The following ARMH3 variants were observed in gnomAD, a reference collection of about 807,000 sequenced individuals.
ARMH3 encodes the protein armadillo-like helical domain-containing protein 3.
In ARMH3, 60 loss-of-function variants were observed where a neutral mutation model predicts 99.1. The observed-to-expected ratio is 0.61, with a 90% confidence interval of 0.49 to 0.75. The LOEUF is 0.75. ARMH3 is among the 30% of genes least tolerant of loss of function. The probability of loss-of-function intolerance (pLI) is 0.00; values close to 1 mark genes in which losing one functional copy is unlikely to be tolerated. For missense variants in ARMH3, 679 were observed against 843.1 expected (o/e 0.81, Z 2.41); for synonymous variants, 285 against 292.8 (o/e 0.97, Z 0.27).
intron 1 of ARMH3, among the ~76,000 whole-genome samples, chr10:102,047,486 CT>C (rs796094967): frequency 0.033 from 4,644 of 141,140 alleles, 88 homozygotes; most frequent in Non-Finnish European, 0.052. Flanking sequence ...TTGAACCAAA[CT>C]TTTTTTTTTT....
chr10:101,985,922 A>G (rs920184457), intron 19 of ARMH3, among the ~76,000 whole-genome samples: 2 of 152,018 alleles, frequency 1.3e-5, no homozygotes, highest in African/African-American at 4.8e-5. Context: ...GGAAGCTGAG[A>G]CATGAGAATC....
intron 22 of ARMH3, among the ~76,000 whole-genome samples, chr10:101,950,158 A>G (rs1421948730): frequency 1.3e-5 from 2 of 152,154 alleles, no homozygotes; most frequent in African/African-American, 4.8e-5. Flanking sequence ...CCAGTACAAT[A>G]AGGCAAGAAA....
At chr10:101,930,305 G>A (rs1469812654) in intron 23 of ARMH3, among the ~76,000 whole-genome samples, 1 of 151,774 alleles carries the variant, frequency 6.6e-6, no homozygotes, top group Non-Finnish European at 1.5e-5. Flanking sequence ...AGAACAGAAA[G>A]GACTTTCTTC....
At chr10:101,921,374 G>A (rs914800035) in intron 23 of ARMH3, among the ~76,000 whole-genome samples, 6 of 152,180 alleles carry the variant, frequency 3.9e-5, no homozygotes, top group Admixed American at 3.9e-4. Context: ...GAAGGGTCAT[G>A]AGGGAACTTT....
rs80015579 is a variant in ARMH3 at position 101,988,899 on chromosome 10, G to C, written c.1406+1652C>G. ...GATCATGCCACTGCACTCCAGCCTAGGCAACAGAATAAGACTCTGTCTCAA... is the reference window on the plus strand; with the variant it reads ...GATCATGCCACTGCACTCCAGCCTACGCAACAGAATAAGACTCTGTCTCAA... On this transcript the variant is annotated intron_variant, in intron 19 of 25. Coordinates refer to ENST00000370033, the MANE Select transcript of ARMH3 (RefSeq NM_024541.3). Among the ~76,000 whole-genome samples the C allele has an allele frequency of 1.1e-3, 162 of 143,274 alleles. 4 individuals are homozygous for C. The East Asian group carries it at 0.032, about 28-fold the overall frequency. The allele number at this position is 143,274 out of a possible 152,430, so 94.0% of individuals were successfully genotyped here.
At chr10:102,006,710 G>A (rs1239825719) in intron 13 of ARMH3, 77 bp from the exon 14 acceptor site, 1 of 1,348,408 alleles carries the variant, frequency 7.4e-7, no homozygotes, top group Non-Finnish European at 1.1e-6. Flanking sequence ...ATACCAATAA[G>A]GACTGGTATT....
At chr10:101,982,401 T>C (rs769092945) in intron 19 of ARMH3, among the ~76,000 whole-genome samples, 5 of 152,068 alleles carry the variant, frequency 3.3e-5, no homozygotes, top group Non-Finnish European at 7.4e-5. Flanking sequence ...GAAAAAAACA[T>C]GTATTTTACA....
At chr10:101,892,041 G>A (rs1045081476) in intron 23 of ARMH3, among the ~76,000 whole-genome samples, 2 of 152,026 alleles carry the variant, frequency 1.3e-5, no homozygotes, top group African/African-American at 4.8e-5. Context: ...AAGCCTGGGA[G>A]ACAGAGGTTT....
At chr10:101,954,575 T>C (rs1359267842) in intron 22 of ARMH3, among the ~76,000 whole-genome samples, 1 of 152,204 alleles carries the variant, frequency 6.6e-6, no homozygotes, top group African/African-American at 2.4e-5. Context: ...AGTGAAACTC[T>C]TCTATATCTT....
At chr10:102,028,375 C>A (rs1220901646) in intron 5 of ARMH3, among the ~76,000 whole-genome samples, 1 of 152,032 alleles carries the variant, frequency 6.6e-6, no homozygotes, top group Non-Finnish European at 1.5e-5. Context: ...ATAGCAAGAC[C>A]TCATCTCATG....
chr10:101,959,915 C>T (rs1428934234), intron 20 of ARMH3, among the ~76,000 whole-genome samples: 2 of 152,168 alleles, frequency 1.3e-5, no homozygotes, highest in Non-Finnish European at 2.9e-5. Context: ...CAGTGGCTCA[C>T]GCCTGTAATC....
At chr10:101,985,352 CAT>C (rs995436970) in intron 19 of ARMH3, among the ~76,000 whole-genome samples, 17 of 150,170 alleles carry the variant, frequency 1.1e-4, no homozygotes, top group African/African-American at 3.7e-4. Context: ...TATATATACA[CAT>C]ATATGTATAC....
rs192344704 is a variant in ARMH3, at chr10:102,008,615, C to T, written c.954+759G>A. Among the ~76,000 whole-genome samples the T allele has an allele frequency of 5.4e-4, 82 of 152,128 alleles. No homozygotes were observed. The East Asian group carries it at 0.015, about 27-fold the overall frequency. On this transcript the variant is annotated intron_variant, in intron 13 of 25. Transcript: ENST00000370033. ...TCACCCAGGCTGGAGTGCAATGGCG[C>T]GACTTCGGCTCACTGCAAGCTCTGC...
At chr10:101,898,248 C>A (rs1197632167) in intron 23 of ARMH3, among the ~76,000 whole-genome samples, 5 of 151,330 alleles carry the variant, frequency 3.3e-5, no homozygotes, top group African/African-American at 1.2e-4. Context: ...CCCAGCTACT[C>A]AGGAGGCTGA....
At chr10:101,999,252 C>T (rs561492703) in intron 15 of ARMH3, among the ~76,000 whole-genome samples, 1 of 151,732 alleles carries the variant, frequency 6.6e-6, no homozygotes, top group South Asian at 2.1e-4. Flanking sequence ...AGTGCAGTGG[C>T]ATGATTTTGG....
intron 20 of ARMH3, among the ~76,000 whole-genome samples, chr10:101,959,419 G>A (rs771304078): frequency 1.3e-5 from 2 of 152,154 alleles, no homozygotes; most frequent in Non-Finnish European, 1.5e-5. Context: ...GCGAGAGAAA[G>A]GGATGGGCAG....
intron 24 of ARMH3, among the ~76,000 whole-genome samples, chr10:101,856,713 T>C (rs189774673): frequency 2.7e-3 from 406 of 152,354 alleles, no homozygotes; most frequent in African/African-American, 9.1e-3. Context: ...TGTTCTACTT[T>C]AGCTGTTTAC....
intron 17 of ARMH3, 119 bp from the exon 18 acceptor site, chr10:101,992,157 T>A (rs1326129675): frequency 2.3e-6 from 2 of 868,818 alleles, no homozygotes; most frequent in Admixed American, 2.0e-5. Flanking sequence ...TCCTTTTCTT[T>A]CTCTTTTTCA....
chr10:101,909,392 A>G (rs1314879829), intron 23 of ARMH3, among the ~76,000 whole-genome samples: 1 of 138,560 alleles, frequency 7.2e-6, no homozygotes, highest in Non-Finnish European at 1.5e-5. Context: ...GGGCGACAGG[A>G]GTGAAACCCT....
Sources: allele counts gnomAD v4.1 joint callset (sites outside exome capture counted in the v4.1 genomes callset), GRCh38; gene constraint gnomAD v4.1.1; transcripts MANE v1.5; gene names NCBI Gene and HGNC (gene_info 2026-07-23, HGNC 2026-07-21).